Variants in METAP1 observed in about 807,000 individuals in gnomAD.
METAP1 encodes the protein methionine aminopeptidase 1.
Under a neutral mutation model 53.8 loss-of-function variants are expected in METAP1, and 28 were observed. The ratio of observed to expected loss-of-function variants is 0.52; its 90% CI spans 0.39 to 0.71. METAP1 has a LOEUF of 0.71. Ranked by LOEUF, METAP1 falls within the 30% of genes least tolerant of loss-of-function variation. The pLI, the probability that METAP1 is intolerant of heterozygous loss-of-function variation, is 0.00. For synonymous variants in METAP1, 181 were observed against 165.7 expected (o/e 1.09, Z -0.71); for missense variants, 389 against 479.8 (o/e 0.81, Z 1.77).
intron 1 of METAP1, among the ~76,000 whole-genome samples, chr4:99,011,041 CA>C (rs1723441249): frequency 1.5e-5 from 1 of 64,592 alleles, no homozygotes; most frequent in African/African-American, 1.0e-4. Flanking sequence ...TTAGCTCTAA[CA>C]GTTTTTTTTT....
At chr4:99,039,934 C>A (rs1384623186) in intron 5 of METAP1, among the ~76,000 whole-genome samples, 2 of 152,040 alleles carry the variant, frequency 1.3e-5, no homozygotes, top group African/African-American at 4.8e-5. Flanking sequence ...ACCATGTTGG[C>A]CAGGCTGGTC....
chr4:99,032,340 A>C (rs538091757), intron 2 of METAP1, among the ~76,000 whole-genome samples: 2 of 150,974 alleles, frequency 1.3e-5, no homozygotes, highest in Non-Finnish European at 2.9e-5. Flanking sequence ...CAATCCTTCT[A>C]TTTCACCTCA....
At chr4:99,048,320 G>C (rs1268381951) in intron 8 of METAP1, among the ~76,000 whole-genome samples, 1 of 152,078 alleles carries the variant, frequency 6.6e-6, no homozygotes, top group Admixed American at 6.5e-5. Flanking sequence ...TTGAGGCATG[G>C]ATGCATAAAA....
intron 4 of METAP1, among the ~76,000 whole-genome samples, chr4:99,036,689 T>G (rs183078224): frequency 1.3e-5 from 2 of 152,222 alleles, no homozygotes; most frequent in African/African-American, 4.8e-5. Flanking sequence ...GTTATGTGGA[T>G]GTATCATATT....
intron 1 of METAP1, among the ~76,000 whole-genome samples, chr4:99,009,778 A>G (rs1004449163): frequency 6.6e-6 from 1 of 152,214 alleles, no homozygotes; most frequent in Admixed American, 6.5e-5. Context: ...TCAACCCATT[A>G]CCAGGTATGT....
At chr4:99,008,176 G>A (rs79818346) in intron 1 of METAP1, among the ~76,000 whole-genome samples, 1 of 152,318 alleles carries the variant, frequency 6.6e-6, no homozygotes, top group East Asian at 1.9e-4. Context: ...AAATAGAGGA[G>A]TAGGTAAATA....
Position 99,026,622 on chromosome 4 carries a change from T to G in METAP1, c.115-2245T>G, listed in dbSNP as rs745854240. On this transcript the variant is annotated intron_variant, in intron 1 of 10. Transcript: ENST00000296411. ...GATGAGGAGGGAAAGATTGCCCTGTTAAGGAGTCAGAAATTAACTCTTCAG... is the reference window on the plus strand; with the variant it reads ...GATGAGGAGGGAAAGATTGCCCTGTGAAGGAGTCAGAAATTAACTCTTCAG... 1,020 of 985,296 alleles carry G rather than the reference T, an allele frequency of 1.0e-3. 3 individuals are homozygous for G. Among genetic ancestry groups the G allele is most frequent in the Non-Finnish European group, 1.2e-3 (966 of 829,930 alleles). The allele number at this position is 985,296 out of a possible 1,614,324, so 61.0% of individuals were successfully genotyped here.
rs903788705 is a variant in METAP1 at position 99,034,264 on chromosome 4, G to C, written c.201G>C (p.Trp67Cys). Residue 67 changes from tryptophan to cysteine, a missense_variant, in exon 3 of 11, where the codon TGG becomes TGC. Trp to Cys is a radical substitution (Grantham distance 215, BLOSUM62 -2). Coordinates refer to ENST00000296411, the MANE Select transcript of METAP1 (RefSeq NM_015143.3). ...AGGCGAAGCGAGAAGTGTCTTCCTG[G>C]ACTGTGGAAGGTGATATTAATACTG... ...DEKAKREVSSWTVEGDINTDP... is the reference protein window; with the variant it reads ...DEKAKREVSSCTVEGDINTDP... 5 of 1,550,514 alleles carry C rather than the reference G, an allele frequency of 3.2e-6. No individual in the cohort carries two copies. In the African/African-American group the frequency reaches 4.1e-5, roughly 13 times the overall value.
At chr4:99,058,018 T>C (rs1727276362) in intron 10 of METAP1, among the ~76,000 whole-genome samples, 200 bp downstream of exon 10, 1 of 152,092 alleles carries the variant, frequency 6.6e-6, no homozygotes, top group Non-Finnish European at 1.5e-5. Flanking sequence ...CGTGGTAGTC[T>C]TCTGTCAGGA....
intron 2 of METAP1, 52 bp downstream of exon 2, chr4:99,028,970 G>A (rs980220059): frequency 1.4e-5 from 18 of 1,244,056 alleles, no homozygotes; most frequent in Non-Finnish European, 1.9e-5. Flanking sequence ...TGGCATTTGT[G>A]CCAGAAAACA....
intron 1 of METAP1, among the ~76,000 whole-genome samples, chr4:99,025,702 G>A (rs952712494): frequency 6.6e-6 from 1 of 152,180 alleles, no homozygotes; most frequent in African/African-American, 2.4e-5. Context: ...CTGAAAGACT[G>A]GTTCAGGCCA....
chr4:99,013,388 G>A (rs1723578874), intron 1 of METAP1, among the ~76,000 whole-genome samples: 1 of 151,930 alleles, frequency 6.6e-6, no homozygotes, highest in Non-Finnish European at 1.5e-5. Context: ...GAAAAATATT[G>A]CCTGGACTAG....
At chr4:99,056,112 A>G (rs570029770) in intron 9 of METAP1, among the ~76,000 whole-genome samples, 22 of 152,104 alleles carry the variant, frequency 1.4e-4, no homozygotes, top group African/African-American at 5.3e-4. Context: ...CATTCCTGGA[A>G]AGAGGAGAGT....
rs1028292286 is a variant in METAP1, at chr4:99,062,722, A to G, written c.*1405A>G. 2.0e-5 allele frequency: 3 copies of G among 152,588 alleles called. No homozygotes were observed. The highest frequency in any genetic ancestry group is 6.5e-5 in the Admixed American group (1 of 15,270). The allele number at this position is 152,588 out of a possible 1,614,324, so 9.5% of individuals were successfully genotyped here. On this transcript the variant is annotated 3_prime_UTR_variant, in exon 11 of 11. Coordinates refer to ENST00000296411, the MANE Select transcript of METAP1 (RefSeq NM_015143.3). ...AGTATGTGTGTGAAGTTTTTATCAA[A>G]CTGTAATATTTGTGAATGGAATGCC...
At chr4:99,039,603 C>CT (rs1248221064) in intron 5 of METAP1, 138 bp downstream of exon 5, 53 of 499,242 alleles carry the variant, frequency 1.1e-4, no homozygotes, top group Non-Finnish European at 1.3e-4. Flanking sequence ...TTTTTTTTAA[C>CT]TTTTTTTTGA....
chr4:99,022,537 A>G (rs984116854), intron 1 of METAP1: 5 of 634,560 alleles, frequency 7.9e-6, no homozygotes, highest in Non-Finnish European at 1.4e-5. Context: ...ATCCCCATCA[A>G]CAGCAAGAAA....
At chr4:99,024,444 G>C (rs373343504) in intron 1 of METAP1, among the ~76,000 whole-genome samples, 5 of 152,156 alleles carry the variant, frequency 3.3e-5, no homozygotes, top group South Asian at 2.1e-4. Flanking sequence ...AATTTGGTTG[G>C]GGGGTGGGCA....
intron 9 of METAP1, among the ~76,000 whole-genome samples, chr4:99,051,917 C>T (rs1275244989): frequency 1.3e-5 from 2 of 151,968 alleles, no homozygotes; most frequent in African/African-American, 4.8e-5. Context: ...TAGGAGAAAT[C>T]CTTGTTAGGT....
intron 1 of METAP1, among the ~76,000 whole-genome samples, chr4:99,014,961 C>A (rs1723672953): frequency 6.6e-6 from 1 of 152,156 alleles, no homozygotes. Flanking sequence ...CGGGGGCTGA[C>A]CCTCAGGGTG....
Sources: gnomAD v4.1 joint callset for allele counts (sites outside exome capture counted in the v4.1 genomes callset) on GRCh38, gnomAD v4.1.1 for gene constraint, MANE v1.5 for transcripts, NCBI Gene and HGNC (gene_info 2026-07-23, HGNC 2026-07-21) for gene names.